CADM2: variants seen among roughly 807,000 people sequenced by gnomAD.
CADM2 encodes the protein immunoglobulin superfamily member 4D.
A neutral mutation model predicts 49.8 loss-of-function variants in CADM2; 12 were observed. That is an observed-to-expected ratio of 0.24 (90% CI 0.15 to 0.39). The LOEUF (loss-of-function observed/expected upper bound fraction) is 0.39, where lower values mean the gene tolerates loss of function less well. Among genes scored for constraint, CADM2 ranks in the 10% least tolerant of loss-of-function variants. CADM2 has a pLI of 1.00. For missense variants in CADM2, 378 were observed against 492.3 expected (o/e 0.77, Z 2.20); for synonymous variants, 214 against 175.4 (o/e 1.22, Z -1.74).
At chr3:85,912,333 T>G in intron 5 of CADM2, 40 bp from the exon 6 acceptor site, 1 of 1,482,728 alleles carries the variant, frequency 6.7e-7, no homozygotes, top group Non-Finnish European at 9.2e-7. Flanking sequence ...TGTTTTATTT[T>G]GAAAGGTGTC....
At chr3:85,033,370 CA>C (rs1232751281) in intron 1 of CADM2, among the ~76,000 whole-genome samples, 1 of 152,132 alleles carries the variant, frequency 6.6e-6, no homozygotes, top group African/African-American at 2.4e-5. Context: ...TGTTTTCTTT[CA>C]TAGAGACAGA....
At chr3:85,692,042 G>T (rs1428299260) in intron 1 of CADM2, among the ~76,000 whole-genome samples, 1 of 152,132 alleles carries the variant, frequency 6.6e-6, no homozygotes, top group Non-Finnish European at 1.5e-5. Flanking sequence ...GAGTTAATGG[G>T]TGCAGCACAC....
At chr3:85,989,938 G>T (rs1327807531) in intron 8 of CADM2, among the ~76,000 whole-genome samples, 1 of 131,428 alleles carries the variant, frequency 7.6e-6, no homozygotes, top group Non-Finnish European at 1.5e-5. Flanking sequence ...GCTTGACCCG[G>T]GAAGGGGAGG....
At chr3:85,341,723 C>G (rs575659021) in intron 1 of CADM2, among the ~76,000 whole-genome samples, 1 of 152,006 alleles carries the variant, frequency 6.6e-6, no homozygotes, top group African/African-American at 2.4e-5. Flanking sequence ...AAAAAGAGAG[C>G]TAAAGTGCAA....
chr3:85,451,444 C>G (rs919760372), intron 1 of CADM2, among the ~76,000 whole-genome samples: 2 of 152,064 alleles, frequency 1.3e-5, no homozygotes, highest in Non-Finnish European at 2.9e-5. Context: ...AGAGAACATT[C>G]CATGTTGACC....
intron 1 of CADM2, among the ~76,000 whole-genome samples, chr3:85,270,768 TC>T (rs1382586221): frequency 2.6e-5 from 4 of 151,366 alleles, no homozygotes; most frequent in African/African-American, 9.7e-5. Context: ...TGCCACTCAT[TC>T]CACACATATC....
In CADM2 at chr3:86,031,066, G is replaced by A. The variant is rs145438239; in HGVS notation, c.971-34539G>A. Among the ~76,000 whole-genome samples the A allele has an allele frequency of 3.3e-5, 5 of 151,734 alleles. No individual in the cohort carries two copies. In the East Asian group the frequency reaches 5.8e-4, roughly 18 times the overall value. ...AGGGTGGGCTTCTCTTGCATTATTG[G>A]TATCTGTATCATTCTAAAGATGAAT... On this transcript the variant is annotated intron_variant, in intron 8 of 9. Transcript: ENST00000383699.
intron 1 of CADM2, among the ~76,000 whole-genome samples, chr3:85,643,643 A>G (rs1317322600): frequency 1.3e-5 from 2 of 152,176 alleles, no homozygotes; most frequent in Non-Finnish European, 2.9e-5. Flanking sequence ...GGGGAGCCCA[A>G]TATCCTAAGA....
intron 1 of CADM2, among the ~76,000 whole-genome samples, chr3:85,079,722 T>C (rs1310286943): frequency 6.6e-6 from 1 of 151,864 alleles, no homozygotes; most frequent in Non-Finnish European, 1.5e-5. Flanking sequence ...TAAAAAAAAT[T>C]ACATAGCAAT....
intron 1 of CADM2, among the ~76,000 whole-genome samples, chr3:85,381,189 T>C (rs1031490235): frequency 1.3e-5 from 2 of 152,000 alleles, no homozygotes; most frequent in Non-Finnish European, 2.9e-5. Flanking sequence ...TGTGGCTGAT[T>C]GGAGCTGATT....
intron 1 of CADM2, among the ~76,000 whole-genome samples, chr3:85,136,049 C>A (rs866830354): frequency 6.6e-6 from 1 of 151,946 alleles, no homozygotes; most frequent in East Asian, 1.9e-4. Context: ...TTTCAAGTAT[C>A]GTTGTCTGTA....
chr3:85,050,825 T>A (rs2035854297), intron 1 of CADM2, among the ~76,000 whole-genome samples: 1 of 152,194 alleles, frequency 6.6e-6, no homozygotes, highest in African/African-American at 2.4e-5. Flanking sequence ...CTTTAAAAAT[T>A]ATGACTGTGA....
intron 1 of CADM2, among the ~76,000 whole-genome samples, chr3:85,217,519 T>C (rs1021825577): frequency 6.6e-6 from 1 of 152,072 alleles, no homozygotes. Context: ...TTGAAATTAT[T>C]AATACCAATT....
chr3:85,006,727 A>G (rs960474833), intron 1 of CADM2, among the ~76,000 whole-genome samples: 4 of 152,108 alleles, frequency 2.6e-5, no homozygotes, highest in African/African-American at 7.2e-5. Flanking sequence ...TCACCACTAT[A>G]TTTCAAGGTC....
chr3:85,583,170 A>G (rs1213361884), intron 1 of CADM2, among the ~76,000 whole-genome samples: 1 of 152,164 alleles, frequency 6.6e-6, no homozygotes, highest in Non-Finnish European at 1.5e-5. Flanking sequence ...TTAGTACCAC[A>G]GAAGCAGCTA....
chr3:85,371,795 G>A (rs2033260628), intron 1 of CADM2, among the ~76,000 whole-genome samples: 1 of 148,898 alleles, frequency 6.7e-6, no homozygotes, highest in Non-Finnish European at 1.5e-5. Context: ...ATATATGGAA[G>A]GCTAACTTTT....
At chr3:85,302,640 C>G (rs72921330) in intron 1 of CADM2, among the ~76,000 whole-genome samples, 14,388 of 151,862 alleles carry the variant, frequency 0.095, 1,404 homozygotes, top group African/African-American at 0.25. Flanking sequence ...CTATAATTAT[C>G]GTATATTATA....
chr3:85,529,910 TAAC>T (rs2061259417), intron 1 of CADM2, among the ~76,000 whole-genome samples: 1 of 152,168 alleles, frequency 6.6e-6, no homozygotes, highest in African/African-American at 2.4e-5. Flanking sequence ...TTTTTTCTGT[TAAC>T]AACTTACTTT....
chr3:85,075,231 T>G (rs923956422), intron 1 of CADM2, among the ~76,000 whole-genome samples: 1 of 151,982 alleles, frequency 6.6e-6, no homozygotes, highest in African/African-American at 2.4e-5. Flanking sequence ...TTTTTGTTTT[T>G]TTTTTTTAAT....
Sources: allele counts gnomAD v4.1 joint callset (sites outside exome capture counted in the v4.1 genomes callset), GRCh38; gene constraint gnomAD v4.1.1; transcripts MANE v1.5; gene names NCBI Gene and HGNC (gene_info 2026-07-23, HGNC 2026-07-21).